The following TBCD variants were observed in gnomAD, a reference collection of about 807,000 sequenced individuals.
TBCD encodes tubulin folding cofactor D.
In TBCD, 105 loss-of-function variants were observed where a neutral mutation model predicts 169.3. The ratio of observed to expected loss-of-function variants is 0.62; its 90% CI spans 0.53 to 0.73. TBCD has a LOEUF of 0.73. TBCD is among the 30% of genes least tolerant of loss of function. TBCD has a pLI of 0.00. For synonymous variants in TBCD, 700 were observed against 643.9 expected (o/e 1.09, Z -1.32); for missense variants, 1,444 against 1,600.1 (o/e 0.90, Z 1.66).
intron 14 of TBCD, among the ~76,000 whole-genome samples, chr17:82,883,579 G>T (rs1030030078): frequency 6.6e-6 from 1 of 152,228 alleles, no homozygotes; most frequent in Non-Finnish European, 1.5e-5. Flanking sequence ...TGTGGAAGGG[G>T]CCTCTGCCAG....
intron 13 of TBCD, chr17:82,830,447 C>G (rs746485705): frequency 2.5e-6 from 4 of 1,612,388 alleles, no homozygotes; most frequent in Admixed American, 3.3e-5. Context: ...CTGTCCACCG[C>G]GCATGCGTCT....
At chr17:82,938,256 C>T (rs1254580154) in intron 36 of TBCD, 120 bp downstream of exon 36, 17 of 1,164,246 alleles carry the variant, frequency 1.5e-5, no homozygotes, top group East Asian at 1.3e-4. Context: ...CTCTCGTTAA[C>T]GCGCCTGGGT....
At chr17:82,812,625 A>T (rs1329220924) in intron 12 of TBCD, among the ~76,000 whole-genome samples, 2 of 152,100 alleles carry the variant, frequency 1.3e-5, no homozygotes, top group Non-Finnish European at 2.9e-5. Context: ...GCTCACTGCG[A>T]TCTCCGCCTC....
chr17:82,858,051 T>C (rs2056464896), intron 13 of TBCD, among the ~76,000 whole-genome samples: 1 of 152,112 alleles, frequency 6.6e-6, no homozygotes, highest in Non-Finnish European at 1.5e-5. Context: ...TAGCTGGTGC[T>C]ACAGGGGCAC....
chr17:82,826,497 C>G (rs1319230737), intron 13 of TBCD, among the ~76,000 whole-genome samples: 1 of 151,976 alleles, frequency 6.6e-6, no homozygotes, highest in Non-Finnish European at 1.5e-5. Flanking sequence ...CTCACTGCAG[C>G]CTTGACCTCC....
rs1337441498 is a variant in TBCD at position 82,831,764 on chromosome 17, T to C, written c.1318+16830T>C. On this transcript the variant is annotated intron_variant, in intron 13 of 38. Coordinates refer to ENST00000355528, the MANE Select transcript of TBCD (RefSeq NM_005993.5). The surrounding 1 kb of genome is among the most constrained non-coding windows in gnomAD (Gnocchi z 4.6). The stretch of plus-strand genomic sequence containing the variant: ...ATTGTGGGGTGCATGTAAGGGGAAA[T>C]GGCCCCAAGCCCCTTTGTAGATGAG... The C allele has an allele frequency of 1.9e-6, 3 of 1,613,764 alleles. No homozygotes were observed. The African/African-American group carries it at 4.0e-5, about 22-fold the overall frequency.
intron 13 of TBCD, chr17:82,830,536 C>G (rs769518317): frequency 1.9e-6 from 3 of 1,614,108 alleles, no homozygotes; most frequent in South Asian, 2.2e-5. Context: ...GTGGCTGGGC[C>G]CATCCTCAGA....
intron 2 of TBCD, among the ~76,000 whole-genome samples, chr17:82,757,371 A>T (rs934894626): frequency 6.6e-6 from 1 of 152,124 alleles, no homozygotes; most frequent in Non-Finnish European, 1.5e-5. Flanking sequence ...CTGTAATCCC[A>T]GCACTTTGGG....
At chr17:82,819,123 T>C (rs927220751) in intron 13 of TBCD, among the ~76,000 whole-genome samples, 7 of 152,236 alleles carry the variant, frequency 4.6e-5, no homozygotes, top group African/African-American at 1.7e-4. Context: ...AGACACAATA[T>C]AGATGAGCAT....
intron 38 of TBCD, 150 bp from the exon 39 acceptor site, chr17:82,942,299 A>C (rs1195197216): frequency 3.6e-6 from 4 of 1,108,042 alleles, no homozygotes; most frequent in Admixed American, 5.0e-5. Context: ...CACATAGCTC[A>C]GGCTGCCGGG....
intron 13 of TBCD, among the ~76,000 whole-genome samples, chr17:82,817,393 C>G (rs2052012647): frequency 6.6e-6 from 1 of 152,196 alleles, no homozygotes; most frequent in South Asian, 2.1e-4. Context: ...ACCTCTCAGG[C>G]TCAGGCGGTC....
chr17:82,910,115 C>G (rs537834048), intron 22 of TBCD, among the ~76,000 whole-genome samples: 31 of 152,378 alleles, frequency 2.0e-4, no homozygotes, highest in African/African-American at 5.8e-4. Flanking sequence ...CTGTGCACAT[C>G]TAGACGTACA....
chr17:82,907,157 G>A (rs1020575470), intron 20 of TBCD, among the ~76,000 whole-genome samples: 17 of 152,274 alleles, frequency 1.1e-4, no homozygotes, highest in African/African-American at 3.1e-4. Flanking sequence ...CACGGTTTGC[G>A]CAGATTGAGC....
In TBCD at chr17:82,890,767, G is replaced by C. The variant is rs867458510; in HGVS notation, c.1563+1070G>C. ...CATGTGTTCAGAGCCCTGAGCCCTG[G>C]TCGGAGCCAGTTCACTAGGAAGAGA... On this transcript the variant is annotated intron_variant, in intron 16 of 38. Transcript: ENST00000355528. This position sits in a 1 kb window ranked among gnomAD's most constrained non-coding sequence, Gnocchi z 5.3. Among the ~76,000 whole-genome samples, 3 of 152,176 alleles carry C rather than the reference G, an allele frequency of 2.0e-5. No homozygotes were observed. The highest frequency in any genetic ancestry group is 6.5e-5 in the Admixed American group (1 of 15,284).
chr17:82,942,100 C>T lies in TBCD; in HGVS notation c.3565-349C>T, dbSNP rs544674484. ...TGGGCTGAGCATCAGGACACAGCCT[C>T]CCCCATTTCTGTGTGTGTAAAGGCT... On this transcript the variant is annotated intron_variant, in intron 38 of 38. Coordinates refer to ENST00000355528, the MANE Select transcript of TBCD (RefSeq NM_005993.5). 1.4e-5 allele frequency: 6 copies of T among 425,748 alleles called. No individual in the cohort carries two copies. In the East Asian group the frequency reaches 2.5e-4, roughly 18 times the overall value. The allele number at this position is 425,748 out of a possible 1,614,324, so 26.4% of individuals were successfully genotyped here. A position where few individuals can be genotyped will look rare whatever the true frequency, so the allele number is the denominator to read the frequency against.
In TBCD at chr17:82,890,256, C is replaced by A. The variant is rs541919042; in HGVS notation, c.1563+559C>A. Among the ~76,000 whole-genome samples, 28 of 152,320 alleles carry A rather than the reference C, an allele frequency of 1.8e-4. No individual in the cohort carries two copies. Among genetic ancestry groups the A allele is most frequent in the Middle Eastern group, 3.4e-3 (1 of 294 alleles). On this transcript the variant is annotated intron_variant, in intron 16 of 38. Transcript: ENST00000355528. This position sits in a 1 kb window ranked among gnomAD's most constrained non-coding sequence, Gnocchi z 5.3. ...CATGTTGTGTGTGATGACGTCACAT[C>A]TTGGGCGTGTGGTTGGGTCTTGCAG...
chr17:82,779,237 G>T (rs894045949), intron 6 of TBCD, among the ~76,000 whole-genome samples: 1 of 150,542 alleles, frequency 6.6e-6, no homozygotes, highest in African/African-American at 2.4e-5. Context: ...AACTTCTGAC[G>T]TCGTGATTCA....
At chr17:82,802,800 G>C (rs768300034) in intron 9 of TBCD, among the ~76,000 whole-genome samples, 3 of 152,240 alleles carry the variant, frequency 2.0e-5, no homozygotes, top group Non-Finnish European at 4.4e-5. Context: ...CCTGACACAA[G>C]CACTGGAAGC....
At chr17:82,794,274 G>T (rs1042929414) in intron 7 of TBCD, among the ~76,000 whole-genome samples, 1 of 152,192 alleles carries the variant, frequency 6.6e-6, no homozygotes, top group Non-Finnish European at 1.5e-5. Context: ...AAGCTGGCTC[G>T]CACGTTGCAG....
Sources: gnomAD v4.1 joint callset for allele counts (sites outside exome capture counted in the v4.1 genomes callset) on GRCh38, gnomAD v4.1.1 for gene constraint, Gnocchi (gnomAD v3.1) non-coding constraint, MANE v1.5 for transcripts, NCBI Gene and HGNC (gene_info 2026-07-23, HGNC 2026-07-21) for gene names.